Variants in PRPF8 observed in about 807,000 individuals in gnomAD.
The protein encoded by PRPF8 is pre-mRNA-processing-splicing factor 8.
PRPF8 carries 64 observed loss-of-function variants against 285.9 expected under a neutral mutation model. The observed-to-expected ratio is 0.22, with a 90% CI of 0.18 to 0.28. The LOEUF is 0.28. PRPF8 is among the 10% of genes least tolerant of loss of function. PRPF8 has a pLI of 1.00. For synonymous variants in PRPF8, 1,325 were observed against 1,118.2 expected, an observed-to-expected ratio of 1.18 and a Z score of -3.69; for missense variants, 1,426 against 3,026.7, an observed-to-expected ratio of 0.47 and a Z score of 12.41.
At chr17:1,654,136 C>G in intron 37 of PRPF8, 120 bp from the exon 38 acceptor site, 5 of 1,441,422 alleles carry the variant, frequency 3.5e-6, no homozygotes, top group Non-Finnish European at 4.9e-6. Context: ...AGACAATCCA[C>G]AAGAGCTGCT....
intron 21 of PRPF8, among the ~76,000 whole-genome samples, chr17:1,674,179 C>T (rs1034485370): frequency 3.9e-5 from 6 of 152,174 alleles, no homozygotes; most frequent in African/African-American, 9.7e-5. Flanking sequence ...CCCGCCACCA[C>T]GCCCAGCTAA....
At position 1,676,865 on chromosome 17, in the gene PRPF8, A is replaced by C; in HGVS notation, c.2181+111T>G. On this transcript the variant is annotated intron_variant, in intron 15 of 42. Transcript: ENST00000304992. The surrounding 1 kb of genome is among the most constrained non-coding windows in gnomAD (Gnocchi z 6.3). The stretch of plus-strand genomic sequence containing the variant: ...CATGGTGCTTCTTTTCCCTGTCTAA[A>C]AGGGAAAAGAAAAGAGATTGGAGCC... 6.7e-7 allele frequency: 1 copy of C among 1,486,416 alleles called. No homozygotes were observed. The highest frequency in any genetic ancestry group is 9.3e-7 in the Non-Finnish European group (1 of 1,075,350). 92.1% of individuals were successfully genotyped at this position (1,486,416 alleles called of 1,614,324 possible). A position where few individuals can be genotyped will look rare whatever the true frequency, so the allele number is the denominator to read the frequency against.
Position 1,679,939 on chromosome 17 carries a change from GC to G in PRPF8, c.1099-141del. On this transcript the variant is annotated intron_variant, in intron 8 of 42. Coordinates refer to ENST00000304992, the MANE Select transcript of PRPF8 (RefSeq NM_006445.4). This position sits in a 1 kb window ranked among gnomAD's most constrained non-coding sequence, Gnocchi z 4.7. ...TGTCTGACAAAAGCAGCCCTGAAGT[GC>G]CAGCACAAAGGAAACCAAGACAGCA... 1 of 1,004,598 alleles carries G rather than the reference GC, an allele frequency of 1.0e-6. No individual in the cohort carries two copies. Among genetic ancestry groups the G allele is most frequent in the Non-Finnish European group, 1.6e-6 (1 of 639,022 alleles). 62.2% of individuals were successfully genotyped at this position (1,004,598 alleles called of 1,614,324 possible).
intron 24 of PRPF8, among the ~76,000 whole-genome samples, chr17:1,663,426 A>G (rs1008782369): frequency 1.3e-5 from 2 of 152,106 alleles, no homozygotes; most frequent in African/African-American, 4.8e-5. Flanking sequence ...GGATTTAAAT[A>G]AAAAGGCCGG....
At chr17:1,652,569 A>C (rs1279511237) in intron 39 of PRPF8, among the ~76,000 whole-genome samples, 1 of 152,098 alleles carries the variant, frequency 6.6e-6, no homozygotes, top group Non-Finnish European at 1.5e-5. Context: ...TTTTTGAAGC[A>C]GGGTATCACT....
chr17:1,650,951 G>T lies in PRPF8; in HGVS notation c.6859C>A (p.Arg2287=). Residue 2287 remains arginine, a synonymous_variant, in exon 43 of 43, where the codon CGG becomes AGG. Coordinates refer to ENST00000304992, the MANE Select transcript of PRPF8 (RefSeq NM_006445.4). ...TCATATTTCATGTTGGGGTCATGCCGAACACCTTCGGGGAGAAGGAAACAG... is the reference window on the plus strand; with the variant it reads ...TCATATTTCATGTTGGGGTCATGCCTAACACCTTCGGGGAGAAGGAAACAG... ...SSWNYNFMGV[R]HDPNMKYELQ... 1 of 1,614,162 alleles carries T rather than the reference G, an allele frequency of 6.2e-7. No homozygotes were observed. Among genetic ancestry groups the T allele is most frequent in the Non-Finnish European group, 8.5e-7 (1 of 1,180,030 alleles).
chr17:1,655,941 T>C (rs897461634), intron 36 of PRPF8, among the ~76,000 whole-genome samples: 4 of 100,070 alleles, frequency 4.0e-5, no homozygotes, highest in East Asian at 2.8e-4. Flanking sequence ...TTTTTTTTTT[T>C]AGACAGTCTT....
chr17:1,682,542 C>G (rs577022348), intron 3 of PRPF8, among the ~76,000 whole-genome samples: 1 of 152,302 alleles, frequency 6.6e-6, no homozygotes, highest in South Asian at 2.1e-4. Flanking sequence ...GGCTATCCCT[C>G]TGGAGACAGC....
chr17:1,674,347 C>A, intron 21 of PRPF8, 95 bp downstream of exon 21: 2 of 1,259,064 alleles, frequency 1.6e-6, no homozygotes, highest in South Asian at 1.2e-5. Flanking sequence ...AAAGCCCCAA[C>A]AGCAGTTAAG....
Position 1,656,773 on chromosome 17 carries a change from G to A in PRPF8, c.5506-12C>T. 1 of 1,612,174 alleles carries A rather than the reference G, an allele frequency of 6.2e-7. No homozygotes were observed. Among genetic ancestry groups the A allele is most frequent in the East Asian group, 2.2e-5 (1 of 44,850 alleles). On this transcript the variant is annotated splice_polypyrimidine_tract_variant and intron_variant, in intron 34 of 42. Coordinates refer to ENST00000304992, the MANE Select transcript of PRPF8 (RefSeq NM_006445.4). ...TTCCACTTAGCCAACTTAAAAGCAA[G>A]AGAGAAGAAAATGGAAATTTAGTCT...
In PRPF8 at chr17:1,677,183, A is replaced by G. The variant is rs765282765; in HGVS notation, c.1985-11T>C. 45 of 1,612,366 alleles carry G rather than the reference A, an allele frequency of 2.8e-5. No individual in the cohort carries two copies. The South Asian group carries it at 4.8e-4, about 17-fold the overall frequency. ...CCTTTGAGTGTCGACCTGGAAGTAG[A>G]GTGTCCCAAGGGGATTACAAGGAAG... On this transcript the variant is annotated splice_polypyrimidine_tract_variant and intron_variant, in intron 14 of 42. Transcript: ENST00000304992.
At chr17:1,660,399 CTACAG>C (rs1911619701) in intron 30 of PRPF8, 28 bp downstream of exon 30, 1 of 1,612,188 alleles carries the variant, frequency 6.2e-7, no homozygotes, top group Admixed American at 1.7e-5. Context: ...AGCTGACTCT[CTACAG>C]TACCCTCTCC....
rs768971976 is a variant in PRPF8 at position 1,673,883 on chromosome 17, T to G, written c.3309A>C (p.Ala1103=). ...GTTGAATCAGGTCCCGAGCCTCATC[T>G]GCTGTGAACCTACACCAGACCAGGT... ...DRIHIFFRFT[A]DEARDLIQRY... Residue 1103 remains alanine (A), a synonymous_variant, in exon 22 of 43, where the codon GCA becomes GCC. Transcript: ENST00000304992. This position sits in a 1 kb window ranked among gnomAD's most constrained non-coding sequence, Gnocchi z 5.5. 2 of 1,613,402 alleles carry G rather than the reference T, an allele frequency of 1.2e-6. No individual in the cohort carries two copies. Among genetic ancestry groups the G allele is most frequent in the Non-Finnish European group, 1.7e-6 (2 of 1,180,020 alleles).
rs946428991 is a variant in PRPF8, at chr17:1,673,495, G to A, written c.3519C>T (p.Ser1173=). 8 of 1,614,072 alleles carry A rather than the reference G, an allele frequency of 5.0e-6. No individual in the cohort carries two copies. The African/African-American group carries it at 9.3e-5, about 19-fold the overall frequency. The change falls in exon 23 of 43, where the codon AGC becomes AGT. Residue 1173 remains serine (S), a synonymous_variant. Coordinates refer to ENST00000304992, the MANE Select transcript of PRPF8 (RefSeq NM_006445.4). This position sits in a 1 kb window ranked among gnomAD's most constrained non-coding sequence, Gnocchi z 5.5. Reference sequence around the variant, plus strand: ...TGTCCTTACTGTACACAGACACGAAGCTGTTCTCCCACTGAACTGTAGTCA... The same window carrying A: ...TGTCCTTACTGTACACAGACACGAAACTGTTCTCCCACTGAACTGTAGTCA... The part of the protein sequence containing the change: ...RSVTTVQWEN[S]FVSVYSKDNP...
chr17:1,654,177 A>G (rs562664212), intron 37 of PRPF8, 161 bp from the exon 38 acceptor site: 2 of 1,036,170 alleles, frequency 1.9e-6, no homozygotes, highest in East Asian at 2.4e-5. Flanking sequence ...GAGGTGCACT[A>G]ACACTTCCAA....
At chr17:1,680,120 C>T (rs140961304) in intron 8 of PRPF8, among the ~76,000 whole-genome samples, 4 of 152,232 alleles carry the variant, frequency 2.6e-5, no homozygotes, top group East Asian at 1.9e-4. Flanking sequence ...TTGGACACAA[C>T]GGAACACAGA....
At chr17:1,672,255 G>C (rs1013269235) in intron 24 of PRPF8, among the ~76,000 whole-genome samples, 19 of 152,260 alleles carry the variant, frequency 1.2e-4, no homozygotes, top group African/African-American at 4.6e-4. Context: ...TACTCTAATG[G>C]AAACCAGAGT....
chr17:1,659,496 G>A lies in PRPF8; in HGVS notation c.4999C>T (p.Arg1667Cys). The change falls in exon 32 of 43, where the codon CGC (arginine) becomes TGC (cysteine). Residue 1667 changes from arginine (R) to cysteine (C), a missense_variant. Arg to Cys is a radical substitution (Grantham distance 180). Around this residue, in one of 34 missense-constraint regions of PRPF8, gnomAD observed 74 missense variants for 161.8 expected, o/e 0.46. Coordinates refer to ENST00000304992, the MANE Select transcript of PRPF8 (RefSeq NM_006445.4). This position sits in a 1 kb window ranked among gnomAD's most constrained non-coding sequence, Gnocchi z 5.1. ...TCGTGGGAATCATAGTCCCCCCAGC[G>A]CAACTGGATGTCAATCCAGTATTTC... ...TQKYWIDIQL[R>C]WGDYDSHDIE... 1 of 1,614,126 alleles carries A rather than the reference G, an allele frequency of 6.2e-7. No individual in the cohort carries two copies. The highest frequency in any genetic ancestry group is 8.5e-7 in the Non-Finnish European group (1 of 1,180,030).
intron 2 of PRPF8, 42 bp from the exon 3 acceptor site, chr17:1,683,743 C>A: frequency 2.5e-6 from 4 of 1,610,774 alleles, no homozygotes; most frequent in Non-Finnish European, 3.4e-6. Context: ...CACCCTCCCC[C>A]TAATCCTCTT....
Sources: gnomAD v4.1 joint callset for allele counts (sites outside exome capture counted in the v4.1 genomes callset) on GRCh38, gnomAD v4.1.1 for gene constraint, gnomAD v4.1.1 regional missense constraint, Gnocchi (gnomAD v3.1) non-coding constraint, MANE v1.5 for transcripts, NCBI Gene and HGNC (gene_info 2026-07-23, HGNC 2026-07-21) for gene names.